The following EXT1 variants were observed in gnomAD, a reference collection of about 807,000 sequenced individuals.
The protein encoded by EXT1 is exostosin glycosyltransferase 1, also known as exostosin-1.
In EXT1, 20 loss-of-function variants were observed where a neutral mutation model predicts 82.5. That is an observed-to-expected ratio of 0.24 (90% CI 0.17 to 0.35). EXT1 has a LOEUF of 0.35. EXT1 is among the 10% of genes least tolerant of loss of function. EXT1 has a pLI of 1.00. For missense variants in EXT1, 757 were observed against 936.5 expected, an observed-to-expected ratio of 0.81 and a Z score of 2.50; for synonymous variants, 348 against 350.8, an observed-to-expected ratio of 0.99 and a Z score of 0.09.
chr8:118,092,456 C>T (rs1325303733), intron 1 of EXT1, among the ~76,000 whole-genome samples: 1 of 152,112 alleles, frequency 6.6e-6, no homozygotes, highest in Non-Finnish European at 1.5e-5. Context: ...GAAACCTAGA[C>T]AGTTAAAAAC....
chr8:117,869,966 A>G (rs1812841646), intron 1 of EXT1, among the ~76,000 whole-genome samples: 3 of 152,160 alleles, frequency 2.0e-5, no homozygotes. Context: ...TTTTTCTATG[A>G]GAGACAAAGG....
At chr8:117,875,027 T>G (rs11986974) in intron 1 of EXT1, among the ~76,000 whole-genome samples, 44,283 of 152,114 alleles carry the variant, frequency 0.29, 7,046 homozygotes, top group African/African-American at 0.41. Context: ...TTCTATGGAT[T>G]AGACGTTAAA....
At chr8:117,852,619 G>A (rs1390345637) in intron 1 of EXT1, among the ~76,000 whole-genome samples, 1 of 152,174 alleles carries the variant, frequency 6.6e-6, no homozygotes, top group African/African-American at 2.4e-5. Context: ...ATGAATTTTA[G>A]TTCCCTAATA....
intron 1 of EXT1, among the ~76,000 whole-genome samples, chr8:117,985,401 C>T (rs1586325757): frequency 1.3e-5 from 2 of 152,252 alleles, no homozygotes; most frequent in East Asian, 1.9e-4. Context: ...TAGTTCGGTC[C>T]CTAACAGAGA....
chr8:117,830,081 G>C (rs988868258), intron 4 of EXT1, 149 bp downstream of exon 4: 6 of 976,244 alleles, frequency 6.1e-6, no homozygotes, highest in African/African-American at 3.2e-5. Flanking sequence ...TGGCAAAGCA[G>C]GTAAAAGAGG....
At chr8:117,958,100 T>C (rs143602695) in intron 1 of EXT1, among the ~76,000 whole-genome samples, 33 of 139,324 alleles carry the variant, frequency 2.4e-4, no homozygotes, top group East Asian at 1.3e-3. Context: ...ACCTCAAGAG[T>C]TCCTGTTACC....
intron 1 of EXT1, among the ~76,000 whole-genome samples, chr8:117,998,585 G>A (rs1815595065): frequency 6.6e-6 from 1 of 152,184 alleles, no homozygotes; most frequent in African/African-American, 2.4e-5. Flanking sequence ...ATTGTGCCCA[G>A]CCTAAAATTC....
intron 1 of EXT1, among the ~76,000 whole-genome samples, chr8:117,981,785 C>T (rs930378083): frequency 6.0e-5 from 9 of 150,952 alleles, no homozygotes; most frequent in East Asian, 5.8e-4. Flanking sequence ...GGCTGAGGCA[C>T]GAGAATCACT....
chr8:118,103,291 T>C (rs1817755353), intron 1 of EXT1, among the ~76,000 whole-genome samples: 1 of 152,032 alleles, frequency 6.6e-6, no homozygotes, highest in Non-Finnish European at 1.5e-5. Context: ...GGACTACAGG[T>C]GTGCACCACC....
In EXT1 at chr8:117,903,855, G is replaced by A. The variant is rs549830469; in HGVS notation, c.963-66654C>T. Among the ~76,000 whole-genome samples, 15 of 152,238 alleles carry A rather than the reference G, an allele frequency of 9.9e-5. No homozygotes were observed. In the East Asian group the frequency reaches 2.5e-3, roughly 25 times the overall value. ...AATCAGGCCTTCAGCCAAAAAATCCGAACTATAAAGGATGTTCTAATGGCA... is the reference window on the plus strand; with the variant it reads ...AATCAGGCCTTCAGCCAAAAAATCCAAACTATAAAGGATGTTCTAATGGCA... On this transcript the variant is annotated intron_variant, in intron 1 of 10. Transcript: ENST00000378204.
At chr8:117,914,142 C>A (rs556960551) in intron 1 of EXT1, among the ~76,000 whole-genome samples, 1 of 152,136 alleles carries the variant, frequency 6.6e-6, no homozygotes, top group African/African-American at 2.4e-5. Context: ...TCCACTGTTG[C>A]GGGAAGTCAA....
At chr8:118,067,937 C>A (rs1817020397) in intron 1 of EXT1, among the ~76,000 whole-genome samples, 1 of 152,144 alleles carries the variant, frequency 6.6e-6, no homozygotes, top group East Asian at 1.9e-4. Flanking sequence ...TCACCATCTA[C>A]AAGACATAGC....
At chr8:117,944,862 TA>T (rs567533258) in intron 1 of EXT1, among the ~76,000 whole-genome samples, 45 of 152,200 alleles carry the variant, frequency 3.0e-4, no homozygotes, top group African/African-American at 1.1e-3. Context: ...TGCTCAGTGC[TA>T]AAAAAATAGA....
At chr8:117,873,535 A>T (rs963472403) in intron 1 of EXT1, among the ~76,000 whole-genome samples, 1 of 145,120 alleles carries the variant, frequency 6.9e-6, no homozygotes, top group Non-Finnish European at 1.5e-5. Flanking sequence ...GGCTCACTAT[A>T]ACCTCTGCCT....
intron 1 of EXT1, among the ~76,000 whole-genome samples, chr8:117,857,547 A>T (rs1812587261): frequency 6.6e-6 from 1 of 152,094 alleles, no homozygotes; most frequent in Non-Finnish European, 1.5e-5. Flanking sequence ...GCCAAAAAAA[A>T]AAAAAAGTCC....
intron 6 of EXT1, among the ~76,000 whole-genome samples, chr8:117,818,744 G>GCAAA (rs1169815009): frequency 9.2e-5 from 14 of 152,182 alleles, no homozygotes; most frequent in South Asian, 4.2e-4. Context: ...GACAGAAAGA[G>GCAAA]CAAACAAATA....
rs1370339488 is a variant in EXT1, at chr8:117,929,885, ATC to A, written c.963-92686_963-92685del. Among the ~76,000 whole-genome samples, 7 of 152,328 alleles carry A rather than the reference ATC, an allele frequency of 4.6e-5. No homozygotes were observed. In the East Asian group the frequency reaches 1.3e-3, roughly 29 times the overall value. On this transcript the variant is annotated intron_variant, in intron 1 of 10. Coordinates refer to ENST00000378204, the MANE Select transcript of EXT1 (RefSeq NM_000127.3). ...CACTTTGGGAGGCCAAGGCAGGCGT[ATC>A]ACCTGAGGTAAGGAGTTTGAGACCA... is the stretch of plus-strand genomic sequence containing the variant.
chr8:117,803,420 C>T (rs1036362108), intron 10 of EXT1, among the ~76,000 whole-genome samples: 7 of 152,116 alleles, frequency 4.6e-5, no homozygotes, highest in African/African-American at 1.7e-4. Context: ...TGGTCTCAAA[C>T]TCCTGGCCTC....
chr8:118,013,674 A>G (rs924993851), intron 1 of EXT1, among the ~76,000 whole-genome samples: 45 of 152,232 alleles, frequency 3.0e-4, no homozygotes, highest in African/African-American at 1.1e-3. Flanking sequence ...ACCCACATAC[A>G]GGGTTGCTTG....
Sources: allele counts gnomAD v4.1 joint callset (sites outside exome capture counted in the v4.1 genomes callset), GRCh38; gene constraint gnomAD v4.1.1; transcripts MANE v1.5; gene names NCBI Gene and HGNC (gene_info 2026-07-23, HGNC 2026-07-21).